Variants in ITIH6 observed in about 807,000 individuals in gnomAD.
The protein encoded by ITIH6 is inter-alpha-trypsin inhibitor heavy chain H6.
ITIH6 carries 60 observed loss-of-function variants against 58.2 expected under a neutral mutation model. The ratio of observed to expected loss-of-function variants is 1.03; its 90% confidence interval spans 0.84 to 1.28. The LOEUF (loss-of-function observed/expected upper bound fraction) is 1.28, where lower values mean the gene tolerates loss of function less well. Among genes scored for constraint, ITIH6 ranks in the 50% most tolerant of loss-of-function variants. ITIH6 has a pLI of 0.00. For synonymous variants in ITIH6, 493 were observed against 417.4 expected (o/e 1.18, Z -2.21); for missense variants, 1,290 against 1,021.1 (o/e 1.26, Z -3.59).
At chrX:54,753,021 GA>G (rs2147598950) in intron 11 of ITIH6, among the ~76,000 whole-genome samples, 1 of 112,677 alleles carries the variant, frequency 8.9e-6, no homozygotes, top group Non-Finnish European at 1.9e-5. Flanking sequence ...AACTTTAGTA[GA>G]AAAATGCCTG....
In ITIH6 at chrX:54,758,256, A is replaced by C; in HGVS notation, c.1818T>G (p.Thr606=). ...SLEYNFVTPL[T]SLVMVQPKQA... is the part of the protein sequence containing the mutation. ...GTTTGGGTTGCACCATGACCAGTGA[A>C]GTCAGAGGTGTGACAAAGTTGTATT... Residue 606 remains threonine, a synonymous_variant, in exon 8 of 13, where the codon ACT becomes ACG. Coordinates refer to ENST00000218436, the MANE Select transcript of ITIH6 (RefSeq NM_198510.3). 1 of 1,211,141 alleles carries C rather than the reference A, an allele frequency of 8.3e-7. No homozygotes were observed. Among genetic ancestry groups the C allele is most frequent in the Non-Finnish European group, 1.1e-6 (1 of 895,056 alleles).
At chrX:54,759,311 C>T (rs746728192) in intron 7 of ITIH6, among the ~76,000 whole-genome samples, 1 of 111,451 alleles carries the variant, frequency 9.0e-6, no homozygotes, top group Admixed American at 9.5e-5. Flanking sequence ...GGCTAGCACC[C>T]CCCCCTCCAA....
At chrX:54,779,149 C>A (rs921102329) in intron 5 of ITIH6, among the ~76,000 whole-genome samples, 1 of 112,232 alleles carries the variant, frequency 8.9e-6, no homozygotes, top group Admixed American at 9.4e-5. Context: ...GTACTTGAAT[C>A]AGACAGTAAA....
chrX:54,753,403 T>A (rs1349390860), intron 11 of ITIH6, among the ~76,000 whole-genome samples: 1 of 112,160 alleles, frequency 8.9e-6, no homozygotes, highest in Non-Finnish European at 1.9e-5. Flanking sequence ...TACCACAAAC[T>A]TTTTGAAGTT....
chrX:54,763,409 G>A (rs6614289), intron 6 of ITIH6, among the ~76,000 whole-genome samples: 11,112 of 111,537 alleles, frequency 0.1, 1,344 homozygotes, highest in African/African-American at 0.34. Context: ...CTTGTTGACC[G>A]GGAATAGACT....
At chrX:54,797,831 T>C (rs189018745) in intron 1 of ITIH6, among the ~76,000 whole-genome samples, 1 of 111,460 alleles carries the variant, frequency 9.0e-6, no homozygotes. Context: ...ACTTCCTAAC[T>C]GTGTCTTAAC....
intron 5 of ITIH6, among the ~76,000 whole-genome samples, chrX:54,781,772 C>G (rs1034871259): frequency 8.9e-6 from 1 of 112,347 alleles, no homozygotes; most frequent in African/African-American, 3.2e-5. Flanking sequence ...ATTATAAAGA[C>G]ACATGCACAT....
At position 54,798,179 on chromosome X, in the gene ITIH6, C is replaced by T. The variant is rs149030350; in HGVS notation, c.32G>A (p.Ser11Asn). 8.4e-7 allele frequency: 1 copy of T among 1,185,096 alleles called. No individual in the cohort carries two copies. ...TTCAAGAAGAATGGTCAGCAAAAAG[C>T]TGACACAGATGAGGTACCTCCACCC... MSGWRYLICV[S>N]FLLTILLELT... is the part of the protein sequence containing the mutation. Residue 11 changes from serine (S) to asparagine (N), a missense_variant, in exon 1 of 13, where the codon AGC becomes AAC. Physicochemically the swap from Ser to Asn is conservative, Grantham distance 46 (BLOSUM62 1). Coordinates refer to ENST00000218436, the MANE Select transcript of ITIH6 (RefSeq NM_198510.3).
At chrX:54,779,647 G>T (rs1929114159) in intron 5 of ITIH6, among the ~76,000 whole-genome samples, 1 of 111,041 alleles carries the variant, frequency 9.0e-6, no homozygotes, top group East Asian at 2.8e-4. Context: ...ACCACAAAAA[G>T]TAGGAAAACC....
intron 6 of ITIH6, among the ~76,000 whole-genome samples, chrX:54,763,574 T>C (rs764846822): frequency 6.2e-5 from 7 of 112,531 alleles, no homozygotes; most frequent in Non-Finnish European, 1.1e-4. Context: ...GCCAAGGATA[T>C]GGTCCATCTT....
At chrX:54,788,349 G>C (rs370258013) in intron 5 of ITIH6, 131 bp downstream of exon 5, 1 of 524,752 alleles carries the variant, frequency 1.9e-6, no homozygotes, top group Non-Finnish European at 3.0e-6. Context: ...GTCTTTTCAC[G>C]TCAGCCTATC....
In ITIH6 at chrX:54,790,978, A is replaced by G. The variant is rs1202506858; in HGVS notation, c.475T>C (p.Tyr159His). 1 of 1,212,332 alleles carries G rather than the reference A, an allele frequency of 8.2e-7. No individual in the cohort carries two copies. Among genetic ancestry groups the G allele is most frequent in the African/African-American group, 1.7e-5 (1 of 57,974 alleles). Residue 159 changes from tyrosine (Y) to histidine (H), a missense_variant, in exon 4 of 13, where the codon TAC becomes CAC. Transcript: ENST00000218436. ...GGCCTCAGGCTCACCACCAGCTGGT[A>G]CTGGCCCTGGTGCCGCTGAAGCAGT... Reference protein sequence around the residue: ...EELLQRHQGQYQLVVSLRPGQ... With the variant: ...EELLQRHQGQHQLVVSLRPGQ...
At chrX:54,781,565 T>A (rs893512312) in intron 5 of ITIH6, among the ~76,000 whole-genome samples, 2 of 112,114 alleles carry the variant, frequency 1.8e-5, no homozygotes. Flanking sequence ...TGGCTACTGT[T>A]AAAAAGTCCA....
chrX:54,784,122 C>G (rs1350878741), intron 5 of ITIH6, among the ~76,000 whole-genome samples: 1 of 111,785 alleles, frequency 8.9e-6, no homozygotes, highest in Admixed American at 9.5e-5. Flanking sequence ...GCTGGGAAAA[C>G]TGGATATCCA....
chrX:54,750,681 C>A (rs1204094876), intron 12 of ITIH6, among the ~76,000 whole-genome samples: 1 of 111,853 alleles, frequency 8.9e-6, no homozygotes, highest in Non-Finnish European at 1.9e-5. Context: ...CATTCCTTTC[C>A]TCCACACTCT....
chrX:54,791,145 G>T, intron 3 of ITIH6, 61 bp from the exon 4 acceptor site: 1 of 1,138,306 alleles, frequency 8.8e-7, no homozygotes, highest in Non-Finnish European at 1.2e-6. Flanking sequence ...TACAGGGGCT[G>T]TTAGATGACC....
intron 6 of ITIH6, among the ~76,000 whole-genome samples, chrX:54,770,403 C>T (rs937850720): frequency 2.7e-5 from 3 of 112,844 alleles, no homozygotes; most frequent in African/African-American, 9.6e-5. Flanking sequence ...TGGCTCCTCC[C>T]CTTAAAATTC....
intron 2 of ITIH6, 32 bp downstream of exon 2, chrX:54,796,910 G>A (rs1168814996): frequency 1.7e-6 from 2 of 1,189,208 alleles, no homozygotes; most frequent in East Asian, 3.0e-5. Context: ...ATGCACAAAT[G>A]AATGAAGTGG....
intron 5 of ITIH6, among the ~76,000 whole-genome samples, chrX:54,775,239 C>T (rs949524992): frequency 6.3e-5 from 7 of 111,849 alleles, no homozygotes; most frequent in African/African-American, 9.8e-5. Flanking sequence ...ACCTCCCATA[C>T]CTGGGCCGGT....
Sources: allele counts gnomAD v4.1 joint callset (sites outside exome capture counted in the v4.1 genomes callset), GRCh38; gene constraint gnomAD v4.1.1; transcripts MANE v1.5; gene names NCBI Gene and HGNC (gene_info 2026-07-23, HGNC 2026-07-21).